PRKCA: variants seen among roughly 807,000 people sequenced by gnomAD.
PRKCA encodes protein kinase C alpha type.
PRKCA carries 27 observed loss-of-function variants against 87.0 expected under a neutral mutation model. The observed-to-expected ratio is 0.31, with a 90% CI of 0.23 to 0.43. The LOEUF is 0.43. Among genes scored for constraint, PRKCA ranks in the 20% least tolerant of loss-of-function variants. PRKCA has a pLI of 1.00. For synonymous variants in PRKCA, 329 were observed against 311.1 expected (o/e 1.06, Z -0.61); for missense variants, 518 against 852.3 (o/e 0.61, Z 4.88).
intron 2 of PRKCA, among the ~76,000 whole-genome samples, chr17:66,356,201 G>T (rs988608278): frequency 6.6e-6 from 1 of 152,044 alleles, no homozygotes; most frequent in Non-Finnish European, 1.5e-5. Flanking sequence ...GCCCATCGGT[G>T]ATTTTTTTTA....
intron 2 of PRKCA, among the ~76,000 whole-genome samples, chr17:66,399,648 T>C (rs1376169545): frequency 6.6e-6 from 1 of 152,168 alleles, no homozygotes; most frequent in African/African-American, 2.4e-5. Context: ...CAGTTACTAT[T>C]CTACTTTGTT....
chr17:66,547,579 T>G (rs1194769666), intron 3 of PRKCA, among the ~76,000 whole-genome samples: 2 of 152,206 alleles, frequency 1.3e-5, no homozygotes, highest in Non-Finnish European at 2.9e-5. Flanking sequence ...AATGTTCCCT[T>G]GGTAGGTGTT....
intron 5 of PRKCA, among the ~76,000 whole-genome samples, chr17:66,674,240 G>C (rs1216864104): frequency 6.6e-6 from 1 of 152,210 alleles, no homozygotes; most frequent in African/African-American, 2.4e-5. Context: ...CAGGAGAGTG[G>C]AAGGGCAGAG....
At chr17:66,751,800 G>T (rs138107507) in intron 13 of PRKCA, among the ~76,000 whole-genome samples, 1 of 152,024 alleles carries the variant, frequency 6.6e-6, no homozygotes, top group Non-Finnish European at 1.5e-5. Flanking sequence ...GGCTAGGGGG[G>T]GTCTCAGGAA....
intron 3 of PRKCA, among the ~76,000 whole-genome samples, chr17:66,539,166 C>G (rs764193475): frequency 2.6e-5 from 4 of 152,128 alleles, no homozygotes; most frequent in Non-Finnish European, 4.4e-5. Flanking sequence ...GTGGTGTCCT[C>G]AGATTTTCAC....
chr17:66,361,951 C>T (rs1207022498), intron 2 of PRKCA, among the ~76,000 whole-genome samples: 1 of 152,172 alleles, frequency 6.6e-6, no homozygotes, highest in Admixed American at 6.5e-5. Flanking sequence ...GCTATAGAGG[C>T]CATGGTATCA....
At chr17:66,522,064 T>A (rs1426166487) in intron 3 of PRKCA, among the ~76,000 whole-genome samples, 1 of 152,202 alleles carries the variant, frequency 6.6e-6, no homozygotes, top group Non-Finnish European at 1.5e-5. Context: ...TATTTTAGCT[T>A]CCACCCTGTA....
At chr17:66,303,321 C>T (rs1904621498) in intron 1 of PRKCA, among the ~76,000 whole-genome samples, 1 of 152,186 alleles carries the variant, frequency 6.6e-6, no homozygotes, top group African/African-American at 2.4e-5. Flanking sequence ...GGCGCGCCCA[C>T]CCGCACGCAC....
chr17:66,318,324 A>G (rs749581852), intron 2 of PRKCA, among the ~76,000 whole-genome samples: 1 of 152,218 alleles, frequency 6.6e-6, no homozygotes, highest in Non-Finnish European at 1.5e-5. Flanking sequence ...ACAGTTTAGA[A>G]ACATGGAGGA....
At chr17:66,385,157 G>C (rs938524667) in intron 2 of PRKCA, among the ~76,000 whole-genome samples, 1 of 152,150 alleles carries the variant, frequency 6.6e-6, no homozygotes, top group Non-Finnish European at 1.5e-5. Flanking sequence ...GTCCCTGGCA[G>C]GCACTGTGTG....
chr17:66,502,200 G>T (rs1453905741), intron 3 of PRKCA, among the ~76,000 whole-genome samples: 1 of 149,946 alleles, frequency 6.7e-6, no homozygotes. Flanking sequence ...ATATGTATTT[G>T]TGTGTGTATG....
At chr17:66,502,663 T>C (rs950531142) in intron 3 of PRKCA, among the ~76,000 whole-genome samples, 1 of 151,770 alleles carries the variant, frequency 6.6e-6, no homozygotes, top group African/African-American at 2.4e-5. Flanking sequence ...CCTGCAGCTT[T>C]CTTTTTTTTT....
intron 3 of PRKCA, among the ~76,000 whole-genome samples, chr17:66,508,025 A>T (rs1166261561): frequency 6.6e-6 from 1 of 152,222 alleles, no homozygotes; most frequent in East Asian, 1.9e-4. Flanking sequence ...TTATTTATTT[A>T]CAAAGGGATC....
chr17:66,695,227 G>T (rs538189021), intron 8 of PRKCA, among the ~76,000 whole-genome samples: 3 of 152,308 alleles, frequency 2.0e-5, no homozygotes, highest in East Asian at 3.9e-4. Context: ...AAGCCAGAAG[G>T]GCAAATAACC....
intron 5 of PRKCA, among the ~76,000 whole-genome samples, chr17:66,661,958 T>C (rs962930319): frequency 6.6e-6 from 1 of 152,214 alleles, no homozygotes; most frequent in Non-Finnish European, 1.5e-5. Flanking sequence ...CCTCACCCCT[T>C]ACCCCTGGAG....
rs1174130497 is a variant in PRKCA at position 66,587,893 on chromosome 17, GTGTATATATATATATATATA to G, written c.289-53460_289-53441del. Among the ~76,000 whole-genome samples the G allele has an allele frequency of 3.9e-3, 203 of 51,636 alleles. 12 individuals carry two copies. The highest frequency in any genetic ancestry group is 0.01 in the Middle Eastern group (1 of 100). The allele number at this position is 51,636 out of a possible 152,430, so 33.9% of individuals were successfully genotyped here. A position where few individuals can be genotyped will look rare whatever the true frequency, so the allele number is the denominator to read the frequency against. On this transcript the variant is annotated intron_variant, in intron 3 of 16. Coordinates refer to ENST00000413366, the MANE Select transcript of PRKCA (RefSeq NM_002737.3). Reference sequence around the variant, plus strand: ...TATGTGTGTGTGTGTGTGTGTGTGTGTGTATATATATATATATATATATATATATATATATATATCCTGCA... The same window carrying G: ...TATGTGTGTGTGTGTGTGTGTGTGTGTATATATATATATATATATCCTGCA...
intron 14 of PRKCA, chr17:66,778,134 G>T: frequency 1.0e-6 from 1 of 985,332 alleles, no homozygotes; most frequent in Non-Finnish European, 1.2e-6. Context: ...AAACTTTCTG[G>T]CCTGTTTCCA....
rs1164693692 is a variant in PRKCA, at chr17:66,496,226, G to A, written c.231G>A (p.Arg77=). ...TTTGCTGTTTTGTGGTCCACAAGAGGTGCCATGAATTTGTTACTTTTTCTT... is the reference window on the plus strand; with the variant it reads ...TTTGCTGTTTTGTGGTCCACAAGAGATGCCATGAATTTGTTACTTTTTCTT... ...CQVCCFVVHK[R]CHEFVTFSCP... The change falls in exon 3 of 17, where the codon AGG becomes AGA. Residue 77 remains arginine, a synonymous_variant. Coordinates refer to ENST00000413366, the MANE Select transcript of PRKCA (RefSeq NM_002737.3). 1 of 1,613,972 alleles carries A rather than the reference G, an allele frequency of 6.2e-7. No homozygotes were observed. The highest frequency in any genetic ancestry group is 1.7e-5 in the Admixed American group (1 of 59,998).
chr17:66,690,287 A>G (rs1368788468), intron 8 of PRKCA, among the ~76,000 whole-genome samples: 2 of 152,222 alleles, frequency 1.3e-5, no homozygotes, highest in African/African-American at 2.4e-5. Flanking sequence ...AATGATTCAC[A>G]GATAATAAAT....
Sources: allele counts gnomAD v4.1 joint callset (sites outside exome capture counted in the v4.1 genomes callset), GRCh38; gene constraint gnomAD v4.1.1; transcripts MANE v1.5; gene names NCBI Gene and HGNC (gene_info 2026-07-23, HGNC 2026-07-21).